The following SPCS2 variants were observed in gnomAD, a reference collection of about 807,000 sequenced individuals.
The protein encoded by SPCS2 is signal peptidase complex subunit 2.
A neutral mutation model predicts 22.3 loss-of-function variants in SPCS2; 3 were observed. That is an observed-to-expected ratio of 0.13 (90% CI 0.06 to 0.35). SPCS2 has a LOEUF of 0.35. Among genes scored for constraint, SPCS2 ranks in the 10% least tolerant of loss-of-function variants. The probability of loss-of-function intolerance (pLI) is 1.00; values close to 1 mark genes in which losing one functional copy is unlikely to be tolerated. For synonymous variants in SPCS2, 67 were observed against 97.2 expected, an observed-to-expected ratio of 0.69 and a Z score of 1.83; for missense variants, 169 against 280.9, an observed-to-expected ratio of 0.60 and a Z score of 2.85.
intron 1 of SPCS2, among the ~76,000 whole-genome samples, chr11:74,955,148 ACT>A (rs1948469700): frequency 6.6e-6 from 1 of 152,124 alleles, no homozygotes; most frequent in Admixed American, 6.6e-5. Flanking sequence ...ATGTGGTGGC[ACT>A]CTTGGAAACA....
chr11:74,976,238 A>G (rs187542214), intron 4 of SPCS2, among the ~76,000 whole-genome samples: 9 of 152,364 alleles, frequency 5.9e-5, no homozygotes, highest in Admixed American at 4.6e-4. Context: ...TCTCCTAGAC[A>G]ATCCTGATTC....
intron 3 of SPCS2, among the ~76,000 whole-genome samples, chr11:74,968,519 T>G (rs1256200730): frequency 2.0e-4 from 23 of 117,938 alleles, no homozygotes; most frequent in African/African-American, 1.0e-3. Flanking sequence ...GTTTTTTTTG[T>G]TTTTTTTTTT....
At chr11:74,972,024 T>A (rs1266046746) in intron 4 of SPCS2, among the ~76,000 whole-genome samples, 2 of 152,180 alleles carry the variant, frequency 1.3e-5, no homozygotes, top group African/African-American at 2.4e-5. Context: ...TGACATACCT[T>A]AGTCTTCCTT....
intron 3 of SPCS2, among the ~76,000 whole-genome samples, chr11:74,967,157 T>G (rs652169): frequency 1.3e-5 from 2 of 151,640 alleles, no homozygotes; most frequent in African/African-American, 4.8e-5. Flanking sequence ...TGCCCCACAT[T>G]TCCCCCAGAA....
intron 2 of SPCS2, 171 bp downstream of exon 2, chr11:74,965,288 A>G (rs1028362658): frequency 5.7e-6 from 3 of 529,378 alleles, no homozygotes; most frequent in African/African-American, 3.8e-5. Flanking sequence ...GTGTGTTGAA[A>G]TATCACCAAC....
At chr11:74,953,162 A>AC (rs1309429046) in intron 1 of SPCS2, among the ~76,000 whole-genome samples, 14 of 152,146 alleles carry the variant, frequency 9.2e-5, no homozygotes, top group African/African-American at 3.1e-4. Flanking sequence ...GCAGGATCTG[A>AC]ATGAATAGAG....
rs967600362 is a variant in SPCS2 at position 74,963,529 on chromosome 11, CTTATT to C, written c.115-1497_115-1493del. The stretch of plus-strand genomic sequence containing the variant: ...CTTTACAATTATTTTTATCCCATCT[CTTATT>C]TTATTTTTTATTGTTTGTTTGTTTG... On this transcript the variant is annotated intron_variant, in intron 1 of 4. Transcript: ENST00000263672. The C allele has an allele frequency of 4.4e-4, 173 of 397,164 alleles. 2 individuals carry two copies. The highest frequency in any genetic ancestry group is 2.1e-3 in the South Asian group (113 of 53,814). 24.6% of individuals were successfully genotyped at this position (397,164 alleles called of 1,614,324 possible).
intron 1 of SPCS2, among the ~76,000 whole-genome samples, chr11:74,963,970 C>G (rs555134143): frequency 3.3e-5 from 5 of 152,224 alleles, no homozygotes; most frequent in East Asian, 1.9e-4. Context: ...TAAATACTTG[C>G]ATTTGAGAAA....
intron 1 of SPCS2, among the ~76,000 whole-genome samples, chr11:74,960,287 G>A (rs966881073): frequency 2.0e-5 from 3 of 152,200 alleles, no homozygotes; most frequent in Admixed American, 6.5e-5. Context: ...AGCTGAGATC[G>A]CGCCACTGCG....
intron 4 of SPCS2, among the ~76,000 whole-genome samples, chr11:74,973,975 C>G (rs566113234): frequency 3.6e-4 from 55 of 152,216 alleles, no homozygotes; most frequent in African/African-American, 1.2e-3. Context: ...TTTTCTTTCC[C>G]CTTCTGCTTC....
chr11:74,949,654 T>TAGTGCCTG, intron 1 of SPCS2: 1 of 534,954 alleles, frequency 1.9e-6, no homozygotes. Flanking sequence ...TTTTCGGTAA[T>TAGTGCCTG]TTGATTTTTC....
At chr11:74,950,095 G>T (rs533819647) in intron 1 of SPCS2, among the ~76,000 whole-genome samples, 1 of 152,170 alleles carries the variant, frequency 6.6e-6, no homozygotes, top group African/African-American at 2.4e-5. Flanking sequence ...AGCAACAAGG[G>T]TTTAAAAGAA....
At chr11:74,970,405 TAAG>T (rs542081392) in intron 4 of SPCS2, among the ~76,000 whole-genome samples, 127 of 152,290 alleles carry the variant, frequency 8.3e-4, no homozygotes, top group Admixed American at 2.0e-3. Context: ...ATTTTATAGA[TAAG>T]AATACAGGCC....
intron 1 of SPCS2, among the ~76,000 whole-genome samples, chr11:74,962,980 G>A (rs1424127393): frequency 6.6e-6 from 1 of 152,162 alleles, no homozygotes. Context: ...TGCAATGCAG[G>A]CAGTGAAGTG....
chr11:74,955,526 T>C (rs1948472998), intron 1 of SPCS2, among the ~76,000 whole-genome samples: 1 of 152,070 alleles, frequency 6.6e-6, no homozygotes, highest in Admixed American at 6.5e-5. Context: ...GATTGTTGGC[T>C]GCCCGGGGAT....
intron 4 of SPCS2, among the ~76,000 whole-genome samples, chr11:74,973,592 C>T (rs1344741001): frequency 3.3e-5 from 5 of 152,190 alleles, no homozygotes; most frequent in African/African-American, 7.2e-5. Flanking sequence ...TCTCTTGTCA[C>T]GGCATTTCTT....
chr11:74,969,749 G>T (rs754664149), intron 4 of SPCS2, 50 bp downstream of exon 4: 1 of 1,608,934 alleles, frequency 6.2e-7, no homozygotes, highest in Non-Finnish European at 8.5e-7. Flanking sequence ...ATTTGCCCTG[G>T]CATGTTGTCA....
At chr11:74,972,566 C>G (rs1299553159) in intron 4 of SPCS2, among the ~76,000 whole-genome samples, 1 of 152,144 alleles carries the variant, frequency 6.6e-6, no homozygotes, top group African/African-American at 2.4e-5. Context: ...AGCCCAGGGC[C>G]TGGCGTGGCA....
chr11:74,976,750 A>C, intron 4 of SPCS2, 107 bp from the exon 5 acceptor site: 1 of 1,404,886 alleles, frequency 7.1e-7, no homozygotes. Flanking sequence ...TCCCTGTATC[A>C]CCGTGCCCAG....
Sources: gnomAD v4.1 joint callset for allele counts (sites outside exome capture counted in the v4.1 genomes callset) on GRCh38, gnomAD v4.1.1 for gene constraint, MANE v1.5 for transcripts, NCBI Gene and HGNC (gene_info 2026-07-23, HGNC 2026-07-21) for gene names.